SLC2A9: variants seen among roughly 807,000 people sequenced by gnomAD.
SLC2A9 encodes solute carrier family 2, facilitated glucose transporter member 9.
Under a neutral mutation model 50.6 loss-of-function variants are expected in SLC2A9, and 39 were observed. That is an observed-to-expected ratio of 0.77 (90% CI 0.60 to 1.01). The LOEUF (loss-of-function observed/expected upper bound fraction) is 1.01. Ranked by LOEUF, SLC2A9 falls within the 50% of genes least tolerant of loss-of-function variation. The pLI is 0.00. For synonymous variants in SLC2A9, 324 were observed against 276.9 expected (o/e 1.17, Z -1.69); for missense variants, 686 against 677.6 (o/e 1.01, Z -0.14).
rs116012279 is a variant in SLC2A9 at position 9,944,028 on chromosome 4, G to A, written c.682-1983C>T. Among the ~76,000 whole-genome samples, 241 of 152,332 alleles carry A rather than the reference G, an allele frequency of 1.6e-3. 1 individual carries two copies. Among genetic ancestry groups the A allele is most frequent in the African/African-American group, 5.1e-3 (214 of 41,568 alleles). ...AAGCCTAATATTTTCCCACAGTATC[G>A]TCACAGTGGGAGCACTTCCCAGGGG... On this transcript the variant is annotated intron_variant, in intron 5 of 11. Coordinates refer to ENST00000264784, the MANE Select transcript of SLC2A9 (RefSeq NM_020041.3).
intron 5 of SLC2A9, among the ~76,000 whole-genome samples, chr4:9,973,859 T>TAA (rs78910612): frequency 7.1e-6 from 1 of 141,082 alleles, no homozygotes; most frequent in African/African-American, 2.6e-5. Context: ...CTTAAAGTAT[T>TAA]AAAAAAAAAA....
chr4:9,980,514 C>A, intron 5 of SLC2A9, 78 bp downstream of exon 5: 1 of 1,604,110 alleles, frequency 6.2e-7, no homozygotes, highest in East Asian at 2.2e-5. Context: ...CAGGGACCAG[C>A]TTTTGGAGAA....
intron 5 of SLC2A9, among the ~76,000 whole-genome samples, chr4:9,976,754 C>G (rs1031683358): frequency 6.6e-6 from 1 of 152,168 alleles, no homozygotes; most frequent in Admixed American, 6.5e-5. Context: ...GTTCATGAGC[C>G]CTGTTCCTGG....
chr4:9,969,820 C>T (rs1461905730), intron 5 of SLC2A9, among the ~76,000 whole-genome samples: 1 of 152,164 alleles, frequency 6.6e-6, no homozygotes, highest in East Asian at 1.9e-4. Context: ...CCCCATGATT[C>T]AATTATTTGC....
intron 5 of SLC2A9, among the ~76,000 whole-genome samples, chr4:9,945,943 T>C (rs751567505): frequency 3.9e-5 from 6 of 152,220 alleles, no homozygotes; most frequent in Non-Finnish European, 5.9e-5. Context: ...TTTCAGACAG[T>C]GGCCTCTGAG....
At chr4:9,841,852 G>T (rs1213398686) in intron 10 of SLC2A9, among the ~76,000 whole-genome samples, 1 of 152,122 alleles carries the variant, frequency 6.6e-6, no homozygotes, top group Non-Finnish European at 1.5e-5. Context: ...AGGGCTGTTT[G>T]GGGGGAAGGT....
At chr4:9,859,595 G>C (rs1343992524) in intron 10 of SLC2A9, among the ~76,000 whole-genome samples, 2 of 152,248 alleles carry the variant, frequency 1.3e-5, no homozygotes, top group African/African-American at 4.8e-5. Context: ...AGGAGATCCT[G>C]AGGGTGACAG....
At chr4:9,909,425 G>C (rs1256599364) in intron 7 of SLC2A9, among the ~76,000 whole-genome samples, 3 of 152,138 alleles carry the variant, frequency 2.0e-5, no homozygotes, top group African/African-American at 7.2e-5. Context: ...TCTTGTTGAG[G>C]TCTCTGTTGG....
chr4:9,858,183 G>T (rs750832734), intron 10 of SLC2A9, among the ~76,000 whole-genome samples: 4 of 152,226 alleles, frequency 2.6e-5, no homozygotes, highest in Non-Finnish European at 5.9e-5. Context: ...GCACTGAGTA[G>T]AAAGAGGGGA....
At chr4:10,018,852 T>C in intron 2 of SLC2A9, 123 bp downstream of exon 2, 1 of 905,696 alleles carries the variant, frequency 1.1e-6, no homozygotes, top group Non-Finnish European at 1.7e-6. Flanking sequence ...GGCTAATCTC[T>C]GTCCCCGCGG....
chr4:9,821,481 A>G (rs1444918808), downstream of SLC2A9, among the ~76,000 whole-genome samples: 2 of 152,098 alleles, frequency 1.3e-5, no homozygotes, highest in African/African-American at 4.8e-5. Flanking sequence ...GGAACATCAC[A>G]CACCGGGGCC....
At chr4:9,909,984 T>C (rs560032550) in intron 7 of SLC2A9, among the ~76,000 whole-genome samples, 1 of 152,344 alleles carries the variant, frequency 6.6e-6, no homozygotes, top group South Asian at 2.1e-4. Context: ...TGCCAGATGT[T>C]TTTAGCAAAA....
chr4:9,782,032 G>A (rs1316976056), intron 3 of SLC2A9: 1 of 1,464,782 alleles, frequency 6.8e-7, no homozygotes, highest in South Asian at 1.4e-5. Flanking sequence ...AGCCCGAAAT[G>A]CTGCCGCCAG....
chr4:9,813,939 T>C (rs1322299732), intron 3 of SLC2A9, among the ~76,000 whole-genome samples: 2 of 151,050 alleles, frequency 1.3e-5, no homozygotes, highest in African/African-American at 2.4e-5. Context: ...CTACTAAAAA[T>C]ACAAAAAAAG....
At chr4:9,843,730 C>T (rs948613483) in intron 10 of SLC2A9, among the ~76,000 whole-genome samples, 4 of 152,160 alleles carry the variant, frequency 2.6e-5, no homozygotes, top group African/African-American at 9.7e-5. Context: ...TGAATTGTGT[C>T]TGAGGTGTGA....
At chr4:9,887,697 C>A (rs919303350) in intron 9 of SLC2A9, 55 bp from the exon 10 acceptor site, 5 of 1,372,604 alleles carry the variant, frequency 3.6e-6, no homozygotes, top group Non-Finnish European at 4.8e-6. Flanking sequence ...ACCGGAGGAC[C>A]TGAGTTCCCA....
At chr4:10,015,676 A>C (rs1254732542) in intron 2 of SLC2A9, among the ~76,000 whole-genome samples, 1 of 152,182 alleles carries the variant, frequency 6.6e-6, no homozygotes, top group Non-Finnish European at 1.5e-5. Context: ...TGCCATGTAC[A>C]GGCAGTGAGA....
chr4:9,821,335 G>T (rs1724368499), downstream of SLC2A9, among the ~76,000 whole-genome samples: 1 of 152,146 alleles, frequency 6.6e-6, no homozygotes, highest in Non-Finnish European at 1.5e-5. Flanking sequence ...ATTTGATAAG[G>T]AATTGTGTGC....
At chr4:9,960,660 G>C (rs1168041807) in intron 5 of SLC2A9, among the ~76,000 whole-genome samples, 1 of 152,166 alleles carries the variant, frequency 6.6e-6, no homozygotes, top group African/African-American at 2.4e-5. Context: ...TTTTCAGAAG[G>C]GCTGTGAAAA....
Sources: gnomAD v4.1 joint callset for allele counts (sites outside exome capture counted in the v4.1 genomes callset) on GRCh38, gnomAD v4.1.1 for gene constraint, MANE v1.5 for transcripts, NCBI Gene and HGNC (gene_info 2026-07-23, HGNC 2026-07-21) for gene names.